Variants in GPC5 observed in about 807,000 individuals in gnomAD.
GPC5 encodes glypican 5, also known as glypican-5.
A neutral mutation model predicts 53.9 loss-of-function variants in GPC5; 47 were observed. That is an observed-to-expected ratio of 0.87 (90% CI 0.69 to 1.11). The LOEUF is 1.11. Among genes scored for constraint, GPC5 ranks in the 50% most tolerant of loss-of-function variants. GPC5 has a pLI of 0.00. For missense variants in GPC5, 748 were observed against 713.1 expected, an observed-to-expected ratio of 1.05 and a Z score of -0.56; for synonymous variants, 286 against 263.3, an observed-to-expected ratio of 1.09 and a Z score of -0.84.
At chr13:92,351,296 T>C (rs994747598) in intron 7 of GPC5, among the ~76,000 whole-genome samples, 4 of 152,034 alleles carry the variant, frequency 2.6e-5, no homozygotes, top group Admixed American at 1.3e-4. Flanking sequence ...GAATAGTATA[T>C]ATAATTTTTA....
At chr13:92,105,206 T>A (rs1202042278) in intron 6 of GPC5, among the ~76,000 whole-genome samples, 4 of 152,070 alleles carry the variant, frequency 2.6e-5, no homozygotes, top group Admixed American at 2.0e-4. Flanking sequence ...CAACTATGCG[T>A]TGTTTTAATT....
chr13:92,073,401 A>T (rs1482397663), intron 6 of GPC5, among the ~76,000 whole-genome samples: 2 of 152,276 alleles, frequency 1.3e-5, no homozygotes, highest in East Asian at 3.9e-4. Context: ...TTATATACAG[A>T]TTTCTGATCC....
chr13:91,838,644 A>T (rs1026113261), intron 5 of GPC5, among the ~76,000 whole-genome samples: 9 of 152,010 alleles, frequency 5.9e-5, no homozygotes, highest in East Asian at 3.9e-4. Context: ...ATGAATATGG[A>T]CAACTTTGTA....
rs2037824342 is a variant in GPC5 at position 91,783,146 on chromosome 13, C to A, written c.1280+26726C>A. On this transcript the variant is annotated intron_variant, in intron 5 of 7. Transcript: ENST00000377067. ...GTGGACACCTGTAATCCCAGCTACT[C>A]AGAAGGCTGAGACAGGAGAATTGCT... 2.6e-5 allele frequency among the ~76,000 whole-genome samples: 4 copies of A among 151,988 alleles called. No individual in the cohort carries two copies. The South Asian group carries it at 8.3e-4, about 31-fold the overall frequency.
intron 7 of GPC5, among the ~76,000 whole-genome samples, chr13:92,635,124 G>A (rs1001896484): frequency 6.6e-6 from 1 of 151,614 alleles, no homozygotes; most frequent in Non-Finnish European, 1.5e-5. Flanking sequence ...GATGTTTTCT[G>A]TTTTCTTATT....
chr13:92,608,225 G>T (rs1649763311), intron 7 of GPC5, among the ~76,000 whole-genome samples: 1 of 152,142 alleles, frequency 6.6e-6, no homozygotes, highest in Non-Finnish European at 1.5e-5. Flanking sequence ...TGCATGGATG[G>T]CTAGCACCTC....
chr13:92,167,970 A>G (rs114930296), intron 7 of GPC5, among the ~76,000 whole-genome samples: 1,900 of 152,246 alleles, frequency 0.012, 33 homozygotes, highest in African/African-American at 0.044. Flanking sequence ...ACCTTGGGTG[A>G]TGACATGACC....
At position 92,386,323 on chromosome 13, in the gene GPC5, A is replaced by T. The variant is rs78667520; in HGVS notation, c.1561+241334A>T. Among the ~76,000 whole-genome samples the T allele has an allele frequency of 7.0e-3, 1,063 of 152,136 alleles. 8 individuals are homozygous for T. Among genetic ancestry groups the T allele is most frequent in the African/African-American group, 0.024 (1,002 of 41,544 alleles). ...TAGCTCTACATAGAGAAACAAAGCA[A>T]TCCTAATCATATCTCTTTTACTGGT... On this transcript the variant is annotated intron_variant, in intron 7 of 7. Transcript: ENST00000377067.
intron 7 of GPC5, among the ~76,000 whole-genome samples, chr13:92,588,485 C>A (rs2139063736): frequency 6.6e-6 from 1 of 152,324 alleles, no homozygotes; most frequent in Non-Finnish European, 1.5e-5. Context: ...ATTTATTGAG[C>A]ACTTTCCATT....
chr13:91,632,696 G>A (rs2034189322), intron 2 of GPC5, among the ~76,000 whole-genome samples: 2 of 151,870 alleles, frequency 1.3e-5, no homozygotes, highest in African/African-American at 4.8e-5. Context: ...ATATATTAGG[G>A]GCATGGTCCA....
chr13:91,867,812 A>G (rs2138924417), intron 5 of GPC5, among the ~76,000 whole-genome samples: 1 of 152,366 alleles, frequency 6.6e-6, no homozygotes, highest in Admixed American at 6.5e-5. Flanking sequence ...AACTTTTATT[A>G]TAAATGAACG....
rs2042213545 is a variant in GPC5, at chr13:92,190,181, T to A, written c.1561+45192T>A. Among the ~76,000 whole-genome samples, 4 of 151,910 alleles carry A rather than the reference T, an allele frequency of 2.6e-5. No individual in the cohort carries two copies. The East Asian group carries it at 7.7e-4, about 29-fold the overall frequency. The stretch of plus-strand genomic sequence containing the variant: ...GCAAGAAGAAAGTGGAATAAAATAT[T>A]CAAAGTGTTGAGAGAGAAAAAAAAC... On this transcript the variant is annotated intron_variant, in intron 7 of 7. Transcript: ENST00000377067.
At chr13:91,559,031 G>T (rs1295700354) in intron 2 of GPC5, among the ~76,000 whole-genome samples, 3 of 151,892 alleles carry the variant, frequency 2.0e-5, no homozygotes, top group African/African-American at 7.3e-5. Context: ...TTTGTCTTCT[G>T]ATTGGATCCT....
At chr13:91,452,392 CT>C (rs1881245942) in intron 2 of GPC5, among the ~76,000 whole-genome samples, 1 of 152,104 alleles carries the variant, frequency 6.6e-6, no homozygotes, top group South Asian at 2.1e-4. Flanking sequence ...AACTGCTACC[CT>C]TATGTCAGTT....
chr13:91,938,315 G>C (rs552090497), intron 6 of GPC5, among the ~76,000 whole-genome samples: 1 of 152,198 alleles, frequency 6.6e-6, no homozygotes, highest in African/African-American at 2.4e-5. Flanking sequence ...GAGAGAAAGA[G>C]GGGAAGTGCA....
chr13:92,718,949 CAAAG>C (rs1888419744), intron 7 of GPC5, among the ~76,000 whole-genome samples: 1 of 150,452 alleles, frequency 6.6e-6, no homozygotes, highest in South Asian at 2.1e-4. Context: ...GTTTGTAACA[CAAAG>C]GAAGGATAAA....
chr13:91,790,843 C>A (rs139317038), intron 5 of GPC5, among the ~76,000 whole-genome samples: 3 of 152,098 alleles, frequency 2.0e-5, no homozygotes, highest in African/African-American at 7.2e-5. Flanking sequence ...TTACACATTT[C>A]CTGTGATGAA....
At chr13:91,882,333 TA>T (rs2138951767) in intron 5 of GPC5, among the ~76,000 whole-genome samples, 1 of 152,242 alleles carries the variant, frequency 6.6e-6, no homozygotes, top group Non-Finnish European at 1.5e-5. Context: ...TTGAAAATCT[TA>T]TACATTATAA....
intron 6 of GPC5, among the ~76,000 whole-genome samples, chr13:91,912,458 T>G (rs550749511): frequency 1.4e-4 from 21 of 152,162 alleles, no homozygotes; most frequent in Non-Finnish European, 2.9e-4. Flanking sequence ...TGATACCATT[T>G]ATAAAACAAT....
Sources: allele counts gnomAD v4.1 joint callset (sites outside exome capture counted in the v4.1 genomes callset), GRCh38; gene constraint gnomAD v4.1.1; transcripts MANE v1.5; gene names NCBI Gene and HGNC (gene_info 2026-07-23, HGNC 2026-07-21).